The following ADAMTS2 variants were observed in gnomAD, a reference collection of about 807,000 sequenced individuals.
ADAMTS2 encodes the protein A disintegrin and metalloproteinase with thrombospondin motifs 2.
In ADAMTS2, 50 loss-of-function variants were observed where a neutral mutation model predicts 123.0. The ratio of observed to expected loss-of-function variants is 0.41; its 90% CI spans 0.32 to 0.51. The LOEUF (loss-of-function observed/expected upper bound fraction) is 0.51, where lower values mean the gene tolerates loss of function less well. Ranked by LOEUF, ADAMTS2 falls within the 20% of genes least tolerant of loss-of-function variation. The pLI is 0.35. For missense variants in ADAMTS2, 1,494 were observed against 1,705.2 expected, an observed-to-expected ratio of 0.88 and a Z score of 2.18; for synonymous variants, 678 against 695.4, an observed-to-expected ratio of 0.98 and a Z score of 0.39.
chr5:179,256,165 G>A lies in ADAMTS2; in HGVS notation c.688+16746C>T, dbSNP rs528795855. On this transcript the variant is annotated intron_variant, in intron 3 of 21. Coordinates refer to ENST00000251582, the MANE Select transcript of ADAMTS2 (RefSeq NM_014244.5). This position sits in a 1 kb window ranked among gnomAD's most constrained non-coding sequence, Gnocchi z 4.1. Reference sequence around the variant, plus strand: ...GAGCAGAGGCCCCAGGCTCCTTCAGGTGGGAGCACAGGTGCCTTTCGCACA... The same window carrying A: ...GAGCAGAGGCCCCAGGCTCCTTCAGATGGGAGCACAGGTGCCTTTCGCACA... 3.9e-5 allele frequency among the ~76,000 whole-genome samples: 6 copies of A among 152,306 alleles called. No homozygotes were observed. In the South Asian group the frequency reaches 1.2e-3, roughly 32 times the overall value.
intron 2 of ADAMTS2, among the ~76,000 whole-genome samples, chr5:179,328,239 A>C (rs1757365866): frequency 6.6e-6 from 1 of 152,216 alleles, no homozygotes; most frequent in South Asian, 2.1e-4. Flanking sequence ...TCACCGTGTT[A>C]GCCAGGATGG....
rs1211558947 is a variant in ADAMTS2 at position 179,189,249 on chromosome 5, C to T, written c.892-8094G>A. Among the ~76,000 whole-genome samples, 5 of 152,186 alleles carry T rather than the reference C, an allele frequency of 3.3e-5. No homozygotes were observed. Among genetic ancestry groups the T allele is most frequent in the Admixed American group, 2.6e-4 (4 of 15,270 alleles). ...TGTGAGCAATAAAGCTTTTTAATCA[C>T]CTGGGTGCAGGTGGGCTGAGTCCAA... On this transcript the variant is annotated intron_variant, in intron 4 of 21. Coordinates refer to ENST00000251582, the MANE Select transcript of ADAMTS2 (RefSeq NM_014244.5). The surrounding 1 kb of genome is among the most constrained non-coding windows in gnomAD (Gnocchi z 4.2).
At chr5:179,238,446 G>C (rs772430596) in intron 3 of ADAMTS2, among the ~76,000 whole-genome samples, 1 of 152,174 alleles carries the variant, frequency 6.6e-6, no homozygotes, top group Non-Finnish European at 1.5e-5. Flanking sequence ...AGTGAGTGCT[G>C]CGGGAAGGGG....
At chr5:179,280,594 G>A (rs1766868600) in intron 2 of ADAMTS2, among the ~76,000 whole-genome samples, 1 of 152,150 alleles carries the variant, frequency 6.6e-6, no homozygotes, top group Admixed American at 6.6e-5. Flanking sequence ...AAAGGCCAAG[G>A]CCGTCCCATG....
At chr5:179,226,713 A>G (rs1167348216) in intron 3 of ADAMTS2, among the ~76,000 whole-genome samples, 1 of 152,230 alleles carries the variant, frequency 6.6e-6, no homozygotes, top group African/African-American at 2.4e-5. Flanking sequence ...GGTTGTGGTC[A>G]TCCTTATCAA....
intron 10 of ADAMTS2, among the ~76,000 whole-genome samples, chr5:179,146,041 G>A (rs1456369820): frequency 6.6e-6 from 1 of 152,116 alleles, no homozygotes; most frequent in Non-Finnish European, 1.5e-5. Flanking sequence ...TTTTAGCAGA[G>A]ACAGGGTTTC....
At chr5:179,147,683 T>C (rs970610814) in intron 10 of ADAMTS2, among the ~76,000 whole-genome samples, 1 of 152,058 alleles carries the variant, frequency 6.6e-6, no homozygotes, top group African/African-American at 2.4e-5. Flanking sequence ...ACAGACACAA[T>C]CATTTAACTC....
chr5:179,126,587 G>A (rs762015993), intron 17 of ADAMTS2, among the ~76,000 whole-genome samples: 11 of 152,236 alleles, frequency 7.2e-5, no homozygotes, highest in Non-Finnish European at 1.5e-4. Context: ...GGACATGTTT[G>A]GTTGTCACAA....
chr5:179,233,051 C>T (rs775409963), intron 3 of ADAMTS2, among the ~76,000 whole-genome samples: 15 of 152,132 alleles, frequency 9.9e-5, no homozygotes, highest in Non-Finnish European at 8.8e-5. Context: ...AAAGGTTTGC[C>T]GTAGTTAAAG....
chr5:179,313,272 G>A (rs1213513347), intron 2 of ADAMTS2, among the ~76,000 whole-genome samples: 19 of 70,564 alleles, frequency 2.7e-4, no homozygotes, highest in Non-Finnish European at 4.4e-4. Flanking sequence ...CAGAGGGGAC[G>A]CACACGCATT....
In ADAMTS2 at chr5:179,158,751, C is replaced by A; in HGVS notation, c.1104G>T (p.Arg368=). 1 of 1,614,240 alleles carries A rather than the reference C, an allele frequency of 6.2e-7. No individual in the cohort carries two copies. Among genetic ancestry groups the A allele is most frequent in the Non-Finnish European group, 8.5e-7 (1 of 1,180,050 alleles). The change falls in exon 6 of 22, where the codon CGG becomes CGT. Residue 368 remains arginine, a synonymous_variant. Transcript: ENST00000251582. This position sits in a 1 kb window ranked among gnomAD's most constrained non-coding sequence, Gnocchi z 5.0. ...GCATGCCGGAAGGCCCAAAGTCCTG[C>A]CGTGTGAGGAAGATGGCGTGATCGT... ...EYHDHAIFLT[R]QDFGPSGMQG...
chr5:179,304,172 T>A (rs561333703), intron 2 of ADAMTS2, among the ~76,000 whole-genome samples: 2 of 152,290 alleles, frequency 1.3e-5, no homozygotes, highest in East Asian at 3.9e-4. Context: ...ACATTGGAAC[T>A]TGCAGCCGGA....
At position 179,153,551 on chromosome 5, in the gene ADAMTS2, G is replaced by C; in HGVS notation, c.1455C>G (p.His485Gln). The change falls in exon 9 of 22, where the codon CAC becomes CAG. Residue 485 changes from histidine to glutamine, a missense_variant. Physicochemically the swap from His to Gln is conservative, Grantham distance 24. This residue lies in a region of ADAMTS2 where 953 missense variants were observed against 1,124.7 expected (regional missense o/e 0.85). Transcript: ENST00000251582. ...WPALPQLPGL[H>Q]YSMNEQCRFD... is the part of the protein sequence containing the mutation. ...AGCGGCATTGCTCGTTCATGGAGTA[G>C]TGCAGTCCCGGGAGCTGGGGCAGCG... The C allele has an allele frequency of 1.2e-6, 2 of 1,610,666 alleles. No homozygotes were observed. The highest frequency in any genetic ancestry group is 1.7e-6 in the Non-Finnish European group (2 of 1,179,832).
chr5:179,277,346 CTGAGA>C (rs1766734158), intron 2 of ADAMTS2, among the ~76,000 whole-genome samples: 1 of 37,262 alleles, frequency 2.7e-5, no homozygotes, highest in Non-Finnish European at 4.8e-5. Context: ...GCTGACCCCC[CTGAGA>C]CCAAAGGCTG....
At chr5:179,223,294 A>G (rs1233084293) in intron 3 of ADAMTS2, among the ~76,000 whole-genome samples, 1 of 150,606 alleles carries the variant, frequency 6.6e-6, no homozygotes, top group Non-Finnish European at 1.5e-5. Flanking sequence ...ACACACACAC[A>G]CGAACGCACT....
At chr5:179,326,466 G>A (rs368316237) in intron 2 of ADAMTS2, among the ~76,000 whole-genome samples, 2 of 136,420 alleles carry the variant, frequency 1.5e-5, no homozygotes, top group African/African-American at 2.7e-5. Context: ...ATCCTACCCC[G>A]GCCTGTGCCC....
intron 2 of ADAMTS2, among the ~76,000 whole-genome samples, chr5:179,329,335 A>AG (rs1277211039): frequency 6.6e-6 from 1 of 151,228 alleles, no homozygotes; most frequent in African/African-American, 2.4e-5. Context: ...TCAAAAAAAA[A>AG]AAAAAAAACA....
chr5:179,188,032 G>A lies in ADAMTS2; in HGVS notation c.892-6877C>T, dbSNP rs1416672345. Among the ~76,000 whole-genome samples, 1 of 152,144 alleles carries A rather than the reference G, an allele frequency of 6.6e-6. No individual in the cohort carries two copies. The highest frequency in any genetic ancestry group is 1.9e-4 in the East Asian group (1 of 5,170). On this transcript the variant is annotated intron_variant, in intron 4 of 21. Coordinates refer to ENST00000251582, the MANE Select transcript of ADAMTS2 (RefSeq NM_014244.5). This position sits in a 1 kb window ranked among gnomAD's most constrained non-coding sequence, Gnocchi z 5.1. ...TGACTTTGTCCTCTGCCAAGGTGGG[G>A]GAGGGGTGCAGAAAGGGGGGAACCG... is the stretch of plus-strand genomic sequence containing the variant.
chr5:179,252,712 G>A (rs993929912), intron 3 of ADAMTS2, among the ~76,000 whole-genome samples: 1 of 152,078 alleles, frequency 6.6e-6, no homozygotes, highest in African/African-American at 2.4e-5. Context: ...CTATGTGCTT[G>A]AGAAAAAGAA....
Sources: allele counts gnomAD v4.1 joint callset (sites outside exome capture counted in the v4.1 genomes callset), GRCh38; gene constraint gnomAD v4.1.1; regional missense constraint gnomAD v4.1.1; non-coding constraint Gnocchi (gnomAD v3.1); transcripts MANE v1.5; gene names NCBI Gene and HGNC (gene_info 2026-07-23, HGNC 2026-07-21).